Variants in DCAF6 observed in about 807,000 individuals in gnomAD.
The protein encoded by DCAF6 is DDB1- and CUL4-associated factor 6.
A neutral mutation model predicts 125.1 loss-of-function variants in DCAF6; 54 were observed. The ratio of observed to expected loss-of-function variants is 0.43; its 90% confidence interval spans 0.35 to 0.54. DCAF6 has a LOEUF of 0.54. Among genes scored for constraint, DCAF6 ranks in the 20% least tolerant of loss-of-function variants. The probability of loss-of-function intolerance (pLI) is 0.01; values close to 1 mark genes in which losing one functional copy is unlikely to be tolerated. For missense variants in DCAF6, 934 were observed against 1,161.7 expected, an observed-to-expected ratio of 0.80 and a Z score of 2.85; for synonymous variants, 371 against 390.4, an observed-to-expected ratio of 0.95 and a Z score of 0.58.
At chr1:168,008,439 T>C (rs1031747177) in intron 10 of DCAF6, among the ~76,000 whole-genome samples, 2 of 152,168 alleles carry the variant, frequency 1.3e-5, no homozygotes, top group Non-Finnish European at 2.9e-5. Context: ...ATCAGCAAGT[T>C]CTTTTGTTCC....
intron 10 of DCAF6, among the ~76,000 whole-genome samples, chr1:168,005,343 G>C (rs1376372048): frequency 6.6e-6 from 1 of 151,874 alleles, no homozygotes; most frequent in East Asian, 1.9e-4. Context: ...TTATCTTCTT[G>C]ATACTTGATG....
the DCAF6 span, among the ~76,000 whole-genome samples, chr1:167,872,798 G>A: frequency 2.0e-5 from 3 of 150,210 alleles, no homozygotes; most frequent in South Asian, 2.2e-4. Context: ...TAGGCTGCAC[G>A]CAGTGGCTCA....
intron 12 of DCAF6, among the ~76,000 whole-genome samples, chr1:168,032,771 A>T (rs1687269618): frequency 6.6e-6 from 1 of 152,224 alleles, no homozygotes; most frequent in African/African-American, 2.4e-5. Context: ...ATGTATGATT[A>T]TAAAGTTATA....
chr1:167,979,229 A>G (rs1678722552), intron 4 of DCAF6, among the ~76,000 whole-genome samples: 1 of 152,190 alleles, frequency 6.6e-6, no homozygotes, highest in Admixed American at 6.5e-5. Flanking sequence ...AAAATCCAAA[A>G]CAGCACACAA....
chr1:168,033,542 C>A (rs1687411843), intron 12 of DCAF6, among the ~76,000 whole-genome samples: 1 of 152,110 alleles, frequency 6.6e-6, no homozygotes, highest in Non-Finnish European at 1.5e-5. Context: ...TGGTCTCGAT[C>A]TTCTGACCTC....
intron 7 of DCAF6, among the ~76,000 whole-genome samples, chr1:167,997,844 C>CT (rs915638053): frequency 3.3e-5 from 5 of 151,938 alleles, no homozygotes; most frequent in African/African-American, 7.2e-5. Flanking sequence ...ATATATAATA[C>CT]TTTTTTTTCC....
rs770540473 is a variant in DCAF6 at position 168,044,611 on chromosome 1, G to A, written c.1870G>A (p.Val624Met). ...AGCTCCTGAAGAATCATCAGAGGAT[G>A]TGACAAAATATCAGGAAGGAGTATC... The part of the protein sequence containing the change: ...TKAPEESSED[V>M]TKYQEGVSAE... Residue 624 changes from valine to methionine, a missense_variant, in exon 15 of 22, where the codon GTG becomes ATG. Physicochemically the swap from Val to Met is conservative, Grantham distance 21. Coordinates refer to ENST00000367840, the MANE Select transcript of DCAF6 (RefSeq NM_001198956.2). 6.2e-7 allele frequency: 1 copy of A among 1,613,008 alleles called. No individual in the cohort carries two copies. The highest frequency in any genetic ancestry group is 8.5e-7 in the Non-Finnish European group (1 of 1,179,086).
intron 18 of DCAF6, chr1:168,064,018 T>TTG (rs1323064277): frequency 2.7e-4 from 56 of 209,142 alleles, no homozygotes; most frequent in Non-Finnish European, 4.4e-4. Context: ...TGCTTTTGTT[T>TTG]TTTTTTTTTT....
At position 168,045,025 on chromosome 1, in the gene DCAF6, GA is replaced by G; in HGVS notation, c.2059del (p.Thr687LeufsTer54). 1 of 1,614,082 alleles carries G rather than the reference GA, an allele frequency of 6.2e-7. No individual in the cohort carries two copies. The highest frequency in any genetic ancestry group is 8.5e-7 in the Non-Finnish European group (1 of 1,179,960). On this transcript the variant is annotated frameshift_variant, in exon 16 of 22. Coordinates refer to ENST00000367840, the MANE Select transcript of DCAF6 (RefSeq NM_001198956.2). LOFTEE classifies it high-confidence loss of function. ...SASSEKAKEP[E>X]TSDQTSTESA... ...TTCATCTGAAAAAGCCAAGGAACCA[GA>G]AACTTCAGATCAGACTAGCACTGAG...
the DCAF6 span, among the ~76,000 whole-genome samples, chr1:167,866,742 A>AG: frequency 1.5e-5 from 2 of 134,436 alleles, no homozygotes; most frequent in African/African-American, 6.4e-5. Flanking sequence ...ATATAAAGAA[A>AG]GTTCACTTAA....
In DCAF6 at chr1:168,002,465, C is replaced by G. The variant is rs1157202721; in HGVS notation, c.904-17C>G. ...AGTTTTAGACTTACATAGAATTTAC[C>G]CGTTCTTATTTTTTAGTTGCGACAA... On this transcript the variant is annotated splice_polypyrimidine_tract_variant and intron_variant, in intron 7 of 21. Transcript: ENST00000367840. The G allele has an allele frequency of 3.1e-6, 5 of 1,608,288 alleles. No homozygotes were observed. Among genetic ancestry groups the G allele is most frequent in the Middle Eastern group, 1.7e-4 (1 of 6,036 alleles).
chr1:167,888,178 T>TA, the DCAF6 span, among the ~76,000 whole-genome samples: 1 of 152,234 alleles, frequency 6.6e-6, no homozygotes, highest in Non-Finnish European at 1.5e-5. Context: ...TGGGTTGCTA[T>TA]AGCTGTGGTA....
chr1:168,033,940 T>C (rs983057512), intron 12 of DCAF6, among the ~76,000 whole-genome samples: 1 of 152,200 alleles, frequency 6.6e-6, no homozygotes, highest in African/African-American at 2.4e-5. Flanking sequence ...ATAAATATTC[T>C]CCTGTAATGT....
At chr1:167,997,779 C>G (rs1004420340) in intron 7 of DCAF6, among the ~76,000 whole-genome samples, 3 of 152,084 alleles carry the variant, frequency 2.0e-5, no homozygotes, top group African/African-American at 7.2e-5. Context: ...GGAACACTTA[C>G]AGTGCAACAA....
chr1:167,922,389 T>C, the DCAF6 span, among the ~76,000 whole-genome samples: 1 of 152,108 alleles, frequency 6.6e-6, no homozygotes, highest in South Asian at 2.1e-4. Context: ...TGTGGTAAAT[T>C]TGAGATCAAA....
chr1:168,021,535 G>A (rs550769982), intron 11 of DCAF6, among the ~76,000 whole-genome samples: 1 of 152,260 alleles, frequency 6.6e-6, no homozygotes, highest in Admixed American at 6.5e-5. Context: ...ATAGATTAGG[G>A]AACTGATTGA....
intron 10 of DCAF6, among the ~76,000 whole-genome samples, chr1:168,013,858 A>G (rs1270367007): frequency 1.3e-5 from 2 of 151,736 alleles, no homozygotes; most frequent in Admixed American, 6.6e-5. Context: ...TGATCCTCCT[A>G]CCTCAGCCTC....
At position 168,063,552 on chromosome 1, in the gene DCAF6, A is replaced by T. The variant is rs370324913; in HGVS notation, c.2301-69A>T. 33 of 1,290,568 alleles carry T rather than the reference A, an allele frequency of 2.6e-5. 2 individuals are homozygous for T. The highest frequency in any genetic ancestry group is 1.1e-4 in the Admixed American group (3 of 28,198). The allele number at this position is 1,290,568 out of a possible 1,614,324, so 79.9% of individuals were successfully genotyped here. ...TATTTCCTAGACTTACTATATTTTCATAAGTTTCTCATTATTCTTTGTGAA... is the reference window on the plus strand; with the variant it reads ...TATTTCCTAGACTTACTATATTTTCTTAAGTTTCTCATTATTCTTTGTGAA... On this transcript the variant is annotated intron_variant, in intron 17 of 21. Coordinates refer to ENST00000367840, the MANE Select transcript of DCAF6 (RefSeq NM_001198956.2).
In DCAF6 at chr1:168,050,789, A is replaced by T. The variant is rs536046494; in HGVS notation, c.2259-103A>T. ...CAAAGGGAAACAAAAGTTTTTTTTT[A>T]AATTGAGATGATTGATGATAAAAAG... On this transcript the variant is annotated intron_variant, in intron 16 of 21. Coordinates refer to ENST00000367840, the MANE Select transcript of DCAF6 (RefSeq NM_001198956.2). 71 of 607,728 alleles carry T rather than the reference A, an allele frequency of 1.2e-4. No homozygotes were observed. In the East Asian group the frequency reaches 1.7e-3, roughly 15 times the overall value. 37.6% of individuals were successfully genotyped at this position (607,728 alleles called of 1,614,324 possible).
Sources: allele counts gnomAD v4.1 joint callset (sites outside exome capture counted in the v4.1 genomes callset), GRCh38; gene constraint gnomAD v4.1.1; transcripts MANE v1.5; gene names NCBI Gene and HGNC (gene_info 2026-07-23, HGNC 2026-07-21).